Variants in GJA9 observed in about 807,000 individuals in gnomAD.
GJA9 encodes the protein gap junction alpha-9 protein.
In GJA9, 1 loss-of-function variant was observed where a neutral mutation model predicts 0.4. The observed-to-expected ratio is 2.50, with a 90% CI of 0.89 to 11.88. The LOEUF is 11.88. GJA9 is among the 30% of genes most tolerant of loss of function. The pLI is 0.12. For missense variants in GJA9, 550 were observed against 602.8 expected, an observed-to-expected ratio of 0.91 and a Z score of 0.92; for synonymous variants, 190 against 219.1, an observed-to-expected ratio of 0.87 and a Z score of 1.17.
chr1:38,880,078 G>A, intron 1 of GJA9, among the ~76,000 whole-genome samples: 1 of 150,268 alleles, frequency 6.7e-6, no homozygotes, highest in South Asian at 2.2e-4. Context: ...CTGAAATAGA[G>A]AAACTTTCCA....
At chr1:38,876,699 A>G (rs1259294789) in intron 1 of GJA9, among the ~76,000 whole-genome samples, 1 of 152,120 alleles carries the variant, frequency 6.6e-6, no homozygotes. Flanking sequence ...TATATTCTCT[A>G]TTAAGAATAT....
chr1:38,874,939 T>C lies in GJA9; in HGVS notation c.1160A>G (p.His387Arg). The C allele has an allele frequency of 6.2e-7, 1 of 1,614,208 alleles. No homozygotes were observed. Among genetic ancestry groups the C allele is most frequent in the Non-Finnish European group, 8.5e-7 (1 of 1,180,008 alleles). ...DSKRNYYSRG[H>R]RSIPGVAIDG... ...TATAGCAACACCTGGAATAGAACGG[T>C]GACCTCTAGAGTAGTAGTTCCTTTT... The change falls in exon 2 of 2, where the codon CAC (histidine) becomes CGC (arginine). Residue 387 changes from histidine to arginine, a missense_variant. By Grantham distance (29) the His-to-Arg change is conservative (BLOSUM62 0). Transcript: ENST00000357771.
At chr1:38,877,495 T>TTTTC (rs899151086) in intron 1 of GJA9, among the ~76,000 whole-genome samples, 14 of 151,980 alleles carry the variant, frequency 9.2e-5, no homozygotes, top group Admixed American at 2.0e-4. Context: ...AGTGATTTTT[T>TTTTC]TTTCTTTCTT....
Position 38,875,079 on chromosome 1 carries a change from A to G in GJA9, c.1020T>C (p.Cys340=). 1 of 1,614,194 alleles carries G rather than the reference A, an allele frequency of 6.2e-7. No homozygotes were observed. The highest frequency in any genetic ancestry group is 8.5e-7 in the Non-Finnish European group (1 of 1,180,024). ...SNEISTLSTS[C]SHFQHISSNN... ...TTGAACTGATGTGTTGAAAATGACT[A>G]CAACTAGTACTAAGTGTGGAAATCT... The change falls in exon 2 of 2, where the codon TGT becomes TGC. Residue 340 remains cysteine, a synonymous_variant. Transcript: ENST00000357771.
At position 38,874,975 on chromosome 1, in the gene GJA9, C is replaced by T; in HGVS notation, c.1124G>A (p.Gly375Asp). Reference sequence around the variant, plus strand: ...GTAGTAGTTCCTTTTGCTGTCTTTGCCTTCAGTTTCTCTTTTTTCCATTAA... The same window carrying T: ...GTAGTAGTTCCTTTTGCTGTCTTTGTCTTCAGTTTCTCTTTTTTCCATTAA... ...NQLMEKRETE[G>D]KDSKRNYYSR... Residue 375 changes from glycine (G) to aspartate (D), a missense_variant, in exon 2 of 2, where the codon GGC becomes GAC. Gly to Asp is a moderately conservative substitution (Grantham distance 94). Coordinates refer to ENST00000357771, the MANE Select transcript of GJA9 (RefSeq NM_030772.5). 6.2e-7 allele frequency: 1 copy of T among 1,614,152 alleles called. No individual in the cohort carries two copies. Among genetic ancestry groups the T allele is most frequent in the Non-Finnish European group, 8.5e-7 (1 of 1,180,032 alleles).
At position 38,874,347 on chromosome 1, in the gene GJA9, G is replaced by A. The variant is rs967908214; in HGVS notation, c.*204C>T. The A allele has an allele frequency of 3.4e-5, 17 of 502,758 alleles. No individual in the cohort carries two copies. The highest frequency in any genetic ancestry group is 4.9e-5 in the Non-Finnish European group (14 of 286,658). The allele number at this position is 502,758 out of a possible 1,614,324, so 31.1% of individuals were successfully genotyped here. A position where few individuals can be genotyped will look rare whatever the true frequency, so the allele number is the denominator to read the frequency against. On this transcript the variant is annotated 3_prime_UTR_variant, in exon 2 of 2. Coordinates refer to ENST00000357771, the MANE Select transcript of GJA9 (RefSeq NM_030772.5). ...TATCATTTAAAAAAAAAAAAATCCT[G>A]ATTTGACAACTCTATGTCTTTGAAT...
At chr1:38,878,836 T>A (rs866628896) in intron 1 of GJA9, among the ~76,000 whole-genome samples, 1 of 147,126 alleles carries the variant, frequency 6.8e-6, no homozygotes, top group Non-Finnish European at 1.5e-5. Context: ...CAGGTTCAAG[T>A]GATTCTCCTG....
chr1:38,880,413 A>AATAAT (rs1553156730), intron 1 of GJA9, among the ~76,000 whole-genome samples: 25 of 119,788 alleles, frequency 2.1e-4, no homozygotes, highest in African/African-American at 3.8e-4. Flanking sequence ...AAAAAAAAAT[A>AATAAT]AATAATAATA....
chr1:38,874,996 A>C lies in GJA9; in HGVS notation c.1103T>G (p.Met368Arg). ...TTTGCCTTCAGTTTCTCTTTTTTCCATTAACTGGTTACCATTAAGTTCTTT... is the reference window on the plus strand; with the variant it reads ...TTTGCCTTCAGTTTCTCTTTTTTCCCTTAACTGGTTACCATTAAGTTCTTT... The part of the protein sequence containing the change: ...FGKELNGNQL[M>R]EKRETEGKDS... The change falls in exon 2 of 2, where the codon ATG becomes AGG. Residue 368 changes from methionine to arginine, a missense_variant. Physicochemically the swap from Met to Arg is moderately conservative, Grantham distance 91 (BLOSUM62 -1). Transcript: ENST00000357771. 3 of 1,614,114 alleles carry C rather than the reference A, an allele frequency of 1.9e-6. No individual in the cohort carries two copies. Among genetic ancestry groups the C allele is most frequent in the Non-Finnish European group, 2.5e-6 (3 of 1,180,016 alleles).
At chr1:38,878,688 A>T (rs1035542284) in intron 1 of GJA9, among the ~76,000 whole-genome samples, 1 of 151,508 alleles carries the variant, frequency 6.6e-6, no homozygotes, top group Non-Finnish European at 1.5e-5. Flanking sequence ...CAGAAAACAA[A>T]AAGAACTCCA....
At position 38,874,116 on chromosome 1, in the gene GJA9, A is replaced by G. The variant is rs1026144724; in HGVS notation, c.*435T>C. 1.2e-4 allele frequency: 44 copies of G among 357,720 alleles called. No individual in the cohort carries two copies. Among genetic ancestry groups the G allele is most frequent in the Non-Finnish European group, 1.9e-4 (34 of 183,772 alleles). The allele number at this position is 357,720 out of a possible 1,614,324, so 22.2% of individuals were successfully genotyped here. ...AGGTAGCAACATGTGATTATACTCA[A>G]GACACATCAGGATGCCAGTCTAGAA... On this transcript the variant is annotated 3_prime_UTR_variant, in exon 2 of 2. Coordinates refer to ENST00000357771, the MANE Select transcript of GJA9 (RefSeq NM_030772.5).
At position 38,874,087 on chromosome 1, in the gene GJA9, T is replaced by G. The variant is rs1642532459; in HGVS notation, c.*464A>C. On this transcript the variant is annotated 3_prime_UTR_variant, in exon 2 of 2. Transcript: ENST00000357771. Reference sequence around the variant, plus strand: ...CCACGGATCTTCTTAAGATTTTATTTACTAGGTAGCAACATGTGATTATAC... The same window carrying G: ...CCACGGATCTTCTTAAGATTTTATTGACTAGGTAGCAACATGTGATTATAC... The G allele has an allele frequency of 8.3e-6, 3 of 360,836 alleles. No individual in the cohort carries two copies. The highest frequency in any genetic ancestry group is 3.8e-5 in the Admixed American group (1 of 26,548). The allele number at this position is 360,836 out of a possible 1,614,324, so 22.4% of individuals were successfully genotyped here. A position where few individuals can be genotyped will look rare whatever the true frequency, so the allele number is the denominator to read the frequency against.
In GJA9 at chr1:38,881,584, C is replaced by A; in HGVS notation, c.-248G>T. The A allele has an allele frequency of 1.5e-6, 1 of 663,236 alleles. No homozygotes were observed. The highest frequency in any genetic ancestry group is 2.7e-6 in the Non-Finnish European group (1 of 366,334). The allele number at this position is 663,236 out of a possible 1,614,324, so 41.1% of individuals were successfully genotyped here. A position where few individuals can be genotyped will look rare whatever the true frequency, so the allele number is the denominator to read the frequency against. On this transcript the variant is annotated 5_prime_UTR_variant, in exon 1 of 2. Coordinates refer to ENST00000357771, the MANE Select transcript of GJA9 (RefSeq NM_030772.5). Reference sequence around the variant, plus strand: ...GAGTGAGTCATCCATCAACTAAAATCCATGTCCCTTTCTGCTTATCCTTGC... The same window carrying A: ...GAGTGAGTCATCCATCAACTAAAATACATGTCCCTTTCTGCTTATCCTTGC...
At chr1:38,880,861 A>G (rs1245257318) in intron 1 of GJA9, among the ~76,000 whole-genome samples, 2 of 152,216 alleles carry the variant, frequency 1.3e-5, no homozygotes, top group African/African-American at 4.8e-5. Flanking sequence ...GATGTAATTC[A>G]TGTTGTTTAT....
At position 38,874,685 on chromosome 1, in the gene GJA9, C is replaced by T; in HGVS notation, c.1414G>A (p.Asp472Asn). ...TCAAAGGACAGCCCTCCCAAAGAAT[C>T]AGCAGTGTTTGGAATGTCAAGTGAT... ...SQSLDIPNTA[D>N]SLGGLSFEPG... Residue 472 changes from aspartate (D) to asparagine (N), a missense_variant, in exon 2 of 2, where the codon GAT becomes AAT. By Grantham distance (23) the Asp-to-Asn change is conservative. Coordinates refer to ENST00000357771, the MANE Select transcript of GJA9 (RefSeq NM_030772.5). 1 of 1,614,182 alleles carries T rather than the reference C, an allele frequency of 6.2e-7. No individual in the cohort carries two copies. The highest frequency in any genetic ancestry group is 1.1e-5 in the South Asian group (1 of 91,082).
chr1:38,877,187 G>A (rs1284266938), intron 1 of GJA9, among the ~76,000 whole-genome samples: 2 of 149,274 alleles, frequency 1.3e-5, no homozygotes, highest in Non-Finnish European at 3.0e-5. Flanking sequence ...TTACAGGCAT[G>A]CACCACCATG....
chr1:38,880,666 C>T (rs1487374407), intron 1 of GJA9, among the ~76,000 whole-genome samples: 2 of 151,648 alleles, frequency 1.3e-5, no homozygotes, highest in Non-Finnish European at 2.9e-5. Context: ...CCTGTAATCC[C>T]AGCTACTCAG....
At chr1:38,878,336 T>C (rs1004244717) in intron 1 of GJA9, among the ~76,000 whole-genome samples, 1 of 150,918 alleles carries the variant, frequency 6.6e-6, no homozygotes, top group Admixed American at 6.6e-5. Flanking sequence ...CGCCTCGGCC[T>C]CCCATAGTAA....
intron 1 of GJA9, among the ~76,000 whole-genome samples, chr1:38,880,419 T>A (rs937212334): frequency 0.25 from 8,432 of 34,336 alleles, 1,235 homozygotes; most frequent in Non-Finnish European, 0.34. Flanking sequence ...AAATAAATAA[T>A]AATAATAATA....
Sources: allele counts gnomAD v4.1 joint callset (sites outside exome capture counted in the v4.1 genomes callset), GRCh38; gene constraint gnomAD v4.1.1; transcripts MANE v1.5; gene names NCBI Gene and HGNC (gene_info 2026-07-23, HGNC 2026-07-21).